Variants in CXADR observed in about 807,000 individuals in gnomAD.
CXADR encodes the protein coxsackievirus and adenovirus receptor.
A neutral mutation model predicts 40.3 loss-of-function variants in CXADR; 20 were observed. That is an observed-to-expected ratio of 0.50 (90% CI 0.35 to 0.72). The LOEUF (loss-of-function observed/expected upper bound fraction) is 0.72, where lower values mean the gene tolerates loss of function less well. Among genes scored for constraint, CXADR ranks in the 30% least tolerant of loss-of-function variants. The pLI is 0.01. For synonymous variants in CXADR, 150 were observed against 161.3 expected (o/e 0.93, Z 0.53); for missense variants, 332 against 449.1 (o/e 0.74, Z 2.36).
chr21:17,626,135 C>G, the CXADR span, among the ~76,000 whole-genome samples: 2 of 152,066 alleles, frequency 1.3e-5, no homozygotes, highest in African/African-American at 4.8e-5. Context: ...TCCCCCTTTT[C>G]TTTCTTCATG....
chr21:17,588,472 A>G (rs1378445482), intron 7 of CXADR, among the ~76,000 whole-genome samples: 1 of 152,130 alleles, frequency 6.6e-6, no homozygotes, highest in East Asian at 1.9e-4. Context: ...TTGGATTCGT[A>G]GGTATTTTAT....
chr21:17,618,190 G>A, the CXADR span, among the ~76,000 whole-genome samples: 1 of 152,224 alleles, frequency 6.6e-6, no homozygotes, highest in South Asian at 2.1e-4. Flanking sequence ...TGGGCAACAG[G>A]AGACACTCCT....
chr21:17,605,113 T>TAGAGA, the CXADR span: 1 of 1,160,516 alleles, frequency 8.6e-7, no homozygotes, highest in South Asian at 1.6e-5. Context: ...AATACCCTGG[T>TAGAGA]AGAGAACCTA....
intron 7 of CXADR, among the ~76,000 whole-genome samples, chr21:17,582,989 G>A (rs1465764234): frequency 2.6e-5 from 4 of 152,170 alleles, no homozygotes; most frequent in African/African-American, 7.2e-5. Context: ...ATGACCTTGC[G>A]ATTCTGGGAG....
At chr21:17,575,491 A>G (rs1207204806) in intron 7 of CXADR, among the ~76,000 whole-genome samples, 4 of 50,250 alleles carry the variant, frequency 8.0e-5, no homozygotes, top group Non-Finnish European at 1.6e-4. Context: ...TCAATTGTAA[A>G]ATTTTTTTTT....
At chr21:17,558,906 G>A (rs2061070489) in intron 3 of CXADR, 70 bp from the exon 4 acceptor site, 5 of 1,475,708 alleles carry the variant, frequency 3.4e-6, no homozygotes, top group Non-Finnish European at 4.6e-6. Flanking sequence ...CAGTGGTTGT[G>A]TACAATGCTG....
the CXADR span, among the ~76,000 whole-genome samples, chr21:17,630,793 G>A: frequency 1.3e-5 from 2 of 151,416 alleles, no homozygotes; most frequent in Non-Finnish European, 2.9e-5. Context: ...ACATTTCACT[G>A]TATTGTTTCA....
chr21:17,569,402 C>A lies in CXADR; in HGVS notation c.*3710C>A, dbSNP rs996390185. 2.0e-5 allele frequency: 20 copies of A among 984,242 alleles called. No homozygotes were observed. The highest frequency in any genetic ancestry group is 6.2e-5 in the Admixed American group (1 of 16,134). 61.0% of individuals were successfully genotyped at this position (984,242 alleles called of 1,614,324 possible). ...TATGTACATATATCTTTATAACATT[C>A]CTGTGTTTAGTAGTGTAAATGTTCT... On this transcript the variant is annotated 3_prime_UTR_variant, in exon 7 of 7. Coordinates refer to ENST00000284878, the MANE Select transcript of CXADR (RefSeq NM_001338.5).
chr21:17,592,568 C>CATT (rs748756094), intron 7 of CXADR, among the ~76,000 whole-genome samples: 2 of 151,834 alleles, frequency 1.3e-5, no homozygotes, highest in African/African-American at 2.4e-5. Flanking sequence ...ACAAATCTGT[C>CATT]ATTATCACCA....
the CXADR span, among the ~76,000 whole-genome samples, chr21:17,606,556 G>A: frequency 3.3e-5 from 5 of 152,190 alleles, no homozygotes; most frequent in African/African-American, 1.2e-4. Flanking sequence ...TATCTTAGAT[G>A]TATGTGTTTT....
At chr21:17,534,100 A>ATATATTTTTTTT (rs1179683085) in intron 1 of CXADR, among the ~76,000 whole-genome samples, 2 of 60,064 alleles carry the variant, frequency 3.3e-5, no homozygotes, top group African/African-American at 1.8e-4. Context: ...ATATATATAT[A>ATATATTTTTTTT]TTTTTTTTTT....
At chr21:17,513,396 G>C (rs1481237776) in intron 1 of CXADR, among the ~76,000 whole-genome samples, 1 of 152,106 alleles carries the variant, frequency 6.6e-6, no homozygotes, top group Non-Finnish European at 1.5e-5. Context: ...GAGTGCCCGG[G>C]GACGGAGCCC....
In CXADR at chr21:17,547,114, C is replaced by T. The variant is rs374465561; in HGVS notation, c.131C>T (p.Thr44Met). 1.4e-5 allele frequency: 23 copies of T among 1,614,136 alleles called. No individual in the cohort carries two copies. The highest frequency in any genetic ancestry group is 1.7e-4 in the Middle Eastern group (1 of 6,044). ...ACTGCCTATCTGCCATGCAAATTTACGCTTAGTCCCGAAGACCAGGGACCG... is the reference window on the plus strand; with the variant it reads ...ACTGCCTATCTGCCATGCAAATTTATGCTTAGTCCCGAAGACCAGGGACCG... Reference protein sequence around the residue: ...GETAYLPCKFTLSPEDQGPLD... With the variant: ...GETAYLPCKFMLSPEDQGPLD... Residue 44 changes from threonine (T) to methionine (M), a missense_variant, in exon 2 of 7, where the codon ACG (threonine) becomes ATG (methionine). Physicochemically the swap from Thr to Met is moderately conservative, Grantham distance 81. This residue lies in a region of CXADR where 162 missense variants were observed against 198.5 expected (regional missense o/e 0.82). Coordinates refer to ENST00000284878, the MANE Select transcript of CXADR (RefSeq NM_001338.5).
chr21:17,624,165 C>G, the CXADR span, among the ~76,000 whole-genome samples: 1 of 152,158 alleles, frequency 6.6e-6, no homozygotes, highest in Admixed American at 6.6e-5. Flanking sequence ...TTACCTCCCC[C>G]AGCCCATGCT....
At chr21:17,560,284 A>G (rs2061098210) in intron 4 of CXADR, among the ~76,000 whole-genome samples, 1 of 152,166 alleles carries the variant, frequency 6.6e-6, no homozygotes, top group Admixed American at 6.5e-5. Flanking sequence ...TAAGAGACCA[A>G]TCTGGGAGTC....
intron 1 of CXADR, among the ~76,000 whole-genome samples, chr21:17,539,026 C>G (rs75833947): frequency 6.6e-6 from 1 of 151,762 alleles, no homozygotes; most frequent in Admixed American, 6.6e-5. Context: ...AATGAGTGAA[C>G]GTTGATACCC....
At position 17,568,438 on chromosome 21, in the gene CXADR, T is replaced by C; in HGVS notation, c.*2746T>C. On this transcript the variant is annotated 3_prime_UTR_variant, in exon 7 of 7. Transcript: ENST00000284878. ...CCACTGCACCCGGCCCAGTACTGCA[T>C]CTTAACAGCAAAGCCATTTTATTCT... The C allele has an allele frequency of 4.1e-6, 4 of 985,320 alleles. No homozygotes were observed. The highest frequency in any genetic ancestry group is 4.8e-6 in the Non-Finnish European group (4 of 829,944). The allele number at this position is 985,320 out of a possible 1,614,324, so 61.0% of individuals were successfully genotyped here. A position where few individuals can be genotyped will look rare whatever the true frequency, so the allele number is the denominator to read the frequency against.
chr21:17,593,161 C>A, exon 8 of CXADR: 1 of 1,441,150 alleles, frequency 6.9e-7, no homozygotes, highest in Non-Finnish European at 9.2e-7. Context: ...GTTCAAGTAC[C>A]CTTACAAGAC....
chr21:17,596,216 A>G (rs923462656), downstream of CXADR, among the ~76,000 whole-genome samples: 2 of 151,976 alleles, frequency 1.3e-5, no homozygotes, highest in Non-Finnish European at 2.9e-5. Context: ...TGTAATGAGA[A>G]TATTTTGTCC....
Sources: gnomAD v4.1 joint callset for allele counts (sites outside exome capture counted in the v4.1 genomes callset) on GRCh38, gnomAD v4.1.1 for gene constraint, gnomAD v4.1.1 regional missense constraint, MANE v1.5 for transcripts, NCBI Gene and HGNC (gene_info 2026-07-23, HGNC 2026-07-21) for gene names.